ARHGEF10L: variants seen among roughly 807,000 people sequenced by gnomAD.
The protein encoded by ARHGEF10L is rho guanine nucleotide exchange factor 10-like protein.
ARHGEF10L carries 69 observed loss-of-function variants against 141.2 expected under a neutral mutation model. The ratio of observed to expected loss-of-function variants is 0.49; its 90% CI spans 0.40 to 0.60. ARHGEF10L has a LOEUF of 0.60. Among genes scored for constraint, ARHGEF10L ranks in the 20% least tolerant of loss-of-function variants. The pLI is 0.00. For missense variants in ARHGEF10L, 1,482 were observed against 1,734.3 expected (o/e 0.85, Z 2.58); for synonymous variants, 711 against 718.5 (o/e 0.99, Z 0.17).
intron 7 of ARHGEF10L, 130 bp from the exon 8 acceptor site, chr1:17,612,928 G>T: frequency 1.5e-6 from 1 of 652,412 alleles, no homozygotes; most frequent in Non-Finnish European, 2.7e-6. Flanking sequence ...GCCGCATCCC[G>T]CCTGCCCGAG....
intron 13 of ARHGEF10L, among the ~76,000 whole-genome samples, 186 bp downstream of exon 13, chr1:17,624,689 C>A (rs572690507): frequency 6.6e-6 from 1 of 152,264 alleles, no homozygotes; most frequent in South Asian, 2.1e-4. Flanking sequence ...CTGGGAGGAG[C>A]GTAGCCAAGT....
intron 22 of ARHGEF10L, among the ~76,000 whole-genome samples, chr1:17,650,658 G>A (rs556140979): frequency 2.4e-4 from 36 of 151,434 alleles, no homozygotes; most frequent in Non-Finnish European, 3.5e-4. Flanking sequence ...ACTTGAACCC[G>A]GGAAGCGGAG....
intron 20 of ARHGEF10L, among the ~76,000 whole-genome samples, chr1:17,638,979 C>T (rs1427272638): frequency 1.3e-5 from 2 of 152,222 alleles, no homozygotes; most frequent in Admixed American, 6.5e-5. Context: ...GTTCCATTTG[C>T]GCTGTGTCCT....
intron 21 of ARHGEF10L, among the ~76,000 whole-genome samples, chr1:17,646,889 C>T (rs944536461): frequency 1.1e-4 from 17 of 152,080 alleles, no homozygotes; most frequent in East Asian, 7.8e-4. Context: ...GCAGCTCTTC[C>T]AGGAGAGTTT....
At chr1:17,684,687 C>T (rs1380571092) in intron 26 of ARHGEF10L, among the ~76,000 whole-genome samples, 2 of 152,210 alleles carry the variant, frequency 1.3e-5, no homozygotes, top group Non-Finnish European at 2.9e-5. Flanking sequence ...CACCGCACCC[C>T]TGCCTTTGGT....
At chr1:17,661,549 C>T (rs1045115787) in intron 25 of ARHGEF10L, among the ~76,000 whole-genome samples, 31 of 152,230 alleles carry the variant, frequency 2.0e-4, no homozygotes, top group African/African-American at 7.2e-4. Context: ...TAGGCTTCCA[C>T]AGCGAGGCTC....
intron 15 of ARHGEF10L, among the ~76,000 whole-genome samples, chr1:17,630,011 G>A (rs972887372): frequency 1.3e-5 from 2 of 152,230 alleles, no homozygotes; most frequent in African/African-American, 4.8e-5. Flanking sequence ...GCTGGGCAAA[G>A]GACTAGAGGC....
At chr1:17,694,875 A>G (rs958808556) in intron 27 of ARHGEF10L, 1 of 606,814 alleles carries the variant, frequency 1.6e-6, no homozygotes, top group South Asian at 1.5e-5. Flanking sequence ...CACACAGACC[A>G]GGCGCTGTGC....
rs916087392 is a variant in ARHGEF10L at position 17,581,628 on chromosome 1, G to C, written c.37+996G>C. Among the ~76,000 whole-genome samples the C allele has an allele frequency of 3.9e-5, 6 of 152,294 alleles. No individual in the cohort carries two copies. The South Asian group carries it at 1.2e-3, about 32-fold the overall frequency. ...ATCCTGACCCTGCCACTTAGACTGT[G>C]GGGCTGGTTAAGTGACATGTTGTCT... On this transcript the variant is annotated intron_variant, in intron 2 of 28. Transcript: ENST00000361221.
chr1:17,529,367 C>G, the ARHGEF10L span, among the ~76,000 whole-genome samples: 1 of 152,160 alleles, frequency 6.6e-6, no homozygotes, highest in Non-Finnish European at 1.5e-5. Flanking sequence ...ATGGGTTGTT[C>G]TGGGAAGTTG....
intron 4 of ARHGEF10L, among the ~76,000 whole-genome samples, chr1:17,596,909 G>C (rs2080166682): frequency 6.6e-6 from 1 of 152,182 alleles, no homozygotes; most frequent in Non-Finnish European, 1.5e-5. Flanking sequence ...AAAAAAAGTA[G>C]ATGGGCGTGG....
In ARHGEF10L at chr1:17,621,115, C is replaced by A. The variant is rs564335418; in HGVS notation, c.943-749C>A. On this transcript the variant is annotated intron_variant, in intron 10 of 28. Transcript: ENST00000361221. The surrounding 1 kb of genome is among the most constrained non-coding windows in gnomAD (Gnocchi z 4.1). The stretch of plus-strand genomic sequence containing the variant: ...GGGGATGTTTAGCCAGAAGCAGAGA[C>A]CACTCGTGTGGGGGGACGGTACCCC... Among the ~76,000 whole-genome samples, 2 of 152,278 alleles carry A rather than the reference C, an allele frequency of 1.3e-5. No homozygotes were observed. The highest frequency in any genetic ancestry group is 4.8e-5 in the African/African-American group (2 of 41,568).
rs768707596 is a variant in ARHGEF10L at position 17,602,169 on chromosome 1, C to T, written c.300C>T (p.Ala100=). ...WVSNGDAADA[A]FSGARHSSWK... ...GCAATGGGGATGCAGCGGACGCAGC[C>T]TTCTCCGGGGCCCGGCACTCCAGCT... The change falls in exon 5 of 29, where the codon GCC becomes GCT. Residue 100 remains alanine (A), a synonymous_variant. Coordinates refer to ENST00000361221, the MANE Select transcript of ARHGEF10L (RefSeq NM_018125.4). The T allele has an allele frequency of 2.5e-6, 4 of 1,583,730 alleles. No individual in the cohort carries two copies. In the East Asian group the frequency reaches 9.3e-5, roughly 37 times the overall value.
At chr1:17,553,794 A>G (rs979054653) in intron 1 of ARHGEF10L, among the ~76,000 whole-genome samples, 1 of 152,174 alleles carries the variant, frequency 6.6e-6, no homozygotes, top group Non-Finnish European at 1.5e-5. Flanking sequence ...GTCTCTAAAA[A>G]ATAAAAAATA....
intron 3 of ARHGEF10L, among the ~76,000 whole-genome samples, chr1:17,588,009 G>A (rs1253114092): frequency 6.6e-6 from 1 of 152,194 alleles, no homozygotes; most frequent in Non-Finnish European, 1.5e-5. Context: ...GTCTGCCTTG[G>A]GGAGCTGGCA....
In ARHGEF10L at chr1:17,656,463, C is replaced by T. The variant is rs536193849; in HGVS notation, c.2706-91C>T. 1.9e-5 allele frequency: 28 copies of T among 1,491,826 alleles called. No individual in the cohort carries two copies. Among genetic ancestry groups the T allele is most frequent in the Non-Finnish European group, 2.5e-5 (28 of 1,099,752 alleles). The allele number at this position is 1,491,826 out of a possible 1,614,324, so 92.4% of individuals were successfully genotyped here. A position where few individuals can be genotyped will look rare whatever the true frequency, so the allele number is the denominator to read the frequency against. On this transcript the variant is annotated intron_variant, in intron 24 of 28. Coordinates refer to ENST00000361221, the MANE Select transcript of ARHGEF10L (RefSeq NM_018125.4). The surrounding 1 kb of genome is among the most constrained non-coding windows in gnomAD (Gnocchi z 4.9). ...AGGCGTGGCTGAGAGGGGTCAGCTC[C>T]CTGGGGCCCTCTCCCTAGGAGGGCA...
chr1:17,692,794 ATCCCCTC>A lies in ARHGEF10L; in HGVS notation c.3185-2362_3185-2356del, dbSNP rs1368062310. Among the ~76,000 whole-genome samples the A allele has an allele frequency of 2.6e-5, 4 of 152,170 alleles. No homozygotes were observed. In the East Asian group the frequency reaches 7.7e-4, roughly 29 times the overall value. Reference sequence around the variant, plus strand: ...TGAGCCCCAGTCCTGGCCCTGACCCATCCCCTCTTCTGACCATCTGGAGTCTGCCTTC... The same window carrying A: ...TGAGCCCCAGTCCTGGCCCTGACCCATTCTGACCATCTGGAGTCTGCCTTC... On this transcript the variant is annotated intron_variant, in intron 27 of 28. Transcript: ENST00000361221.
chr1:17,554,228 G>A (rs891174096), intron 1 of ARHGEF10L, among the ~76,000 whole-genome samples: 1 of 152,198 alleles, frequency 6.6e-6, no homozygotes, highest in African/African-American at 2.4e-5. Context: ...GAGTCACAGT[G>A]AGGATGGTGA....
rs1178057100 is a variant in ARHGEF10L, at chr1:17,648,750, TCCAGGGAGCGC to T, written c.2394+79_2394+89del. On this transcript the variant is annotated intron_variant, in intron 22 of 28. Coordinates refer to ENST00000361221, the MANE Select transcript of ARHGEF10L (RefSeq NM_018125.4). ...CCCCTCGCCTGGGAGAACCAGAGTT[TCCAGGGAGCGC>T]CCACAGCAGGGAAGGCTCAGGTTCC... 1.9e-6 allele frequency: 3 copies of T among 1,564,490 alleles called. No homozygotes were observed. In the African/African-American group the frequency reaches 4.1e-5, roughly 21 times the overall value.
Sources: gnomAD v4.1 joint callset for allele counts (sites outside exome capture counted in the v4.1 genomes callset) on GRCh38, gnomAD v4.1.1 for gene constraint, Gnocchi (gnomAD v3.1) non-coding constraint, MANE v1.5 for transcripts, NCBI Gene and HGNC (gene_info 2026-07-23, HGNC 2026-07-21) for gene names.